The following TNRC6B variants were observed in gnomAD, a reference collection of about 807,000 sequenced individuals.
TNRC6B encodes trinucleotide repeat-containing gene 6B protein.
TNRC6B carries 52 observed loss-of-function variants against 203.6 expected under a neutral mutation model. The ratio of observed to expected loss-of-function variants is 0.26; its 90% CI spans 0.20 to 0.32. The LOEUF is 0.32. Ranked by LOEUF, TNRC6B falls within the 10% of genes least tolerant of loss-of-function variation. The pLI is 1.00. For synonymous variants in TNRC6B, 838 were observed against 845.7 expected (o/e 0.99, Z 0.16); for missense variants, 1,923 against 2,286.2 (o/e 0.84, Z 3.24).
chr22:40,294,819 G>A (rs1196796853), intron 12 of TNRC6B, among the ~76,000 whole-genome samples: 2 of 152,350 alleles, frequency 1.3e-5, no homozygotes, highest in African/African-American at 2.4e-5. Flanking sequence ...TCAGAGCAGA[G>A]ATGAAGAGGA....
intron 1 of TNRC6B, among the ~76,000 whole-genome samples, chr22:40,186,108 C>T (rs1157582564): frequency 6.6e-6 from 1 of 151,956 alleles, no homozygotes; most frequent in East Asian, 1.9e-4. Flanking sequence ...AGGATGAGGT[C>T]ACCATGGGAC....
chr22:40,106,274 T>C (rs2068282967), intron 1 of TNRC6B: 1 of 373,492 alleles, frequency 2.7e-6, no homozygotes, highest in South Asian at 3.2e-5. Flanking sequence ...GAGCAGGTAC[T>C]GTTTATTAAC....
intron 3 of TNRC6B, among the ~76,000 whole-genome samples, chr22:40,154,855 AAAAAAAT>A (rs2068800046): frequency 1.9e-5 from 1 of 51,748 alleles, no homozygotes; most frequent in African/African-American, 1.1e-4. Flanking sequence ...AAAAAAAAAA[AAAAAAAT>A]ATATATATAT....
chr22:40,221,303 G>C (rs757069708), intron 1 of TNRC6B, among the ~76,000 whole-genome samples: 7 of 152,120 alleles, frequency 4.6e-5, no homozygotes, highest in Non-Finnish European at 1.0e-4. Flanking sequence ...TAGCCTGAGT[G>C]TCTAGCTATT....
At chr22:40,101,996 C>G (rs1185445285) in intron 1 of TNRC6B, among the ~76,000 whole-genome samples, 1 of 152,138 alleles carries the variant, frequency 6.6e-6, no homozygotes, top group African/African-American at 2.4e-5. Context: ...TTTAACAATT[C>G]CAGTTCAGCA....
At chr22:40,147,909 C>T (rs61607843) in intron 3 of TNRC6B, among the ~76,000 whole-genome samples, 6,072 of 152,184 alleles carry the variant, frequency 0.04, 411 homozygotes, top group African/African-American at 0.14. Context: ...ACTGCTGTTA[C>T]GTAAGTAGTT....
Position 40,172,756 on chromosome 22 carries a change from G to C in TNRC6B, c.113+16574G>C, listed in dbSNP as rs1341514278. Among the ~76,000 whole-genome samples the C allele has an allele frequency of 2.6e-5, 4 of 152,160 alleles. No individual in the cohort carries two copies. In the East Asian group the frequency reaches 5.8e-4, roughly 22 times the overall value. Reference sequence around the variant, plus strand: ...AGTAAGGATAACGTGGAAATTATCTGTTCAATAAGAGTTAGATAGCATTCA... The same window carrying C: ...AGTAAGGATAACGTGGAAATTATCTCTTCAATAAGAGTTAGATAGCATTCA... On this transcript the variant is annotated intron_variant, in intron 4 of 23. Transcript: ENST00000301923.
intron 1 of TNRC6B, among the ~76,000 whole-genome samples, chr22:40,181,259 ATG>A (rs2069125298): frequency 6.6e-6 from 1 of 152,174 alleles, no homozygotes. Flanking sequence ...GAAGAGTGTT[ATG>A]CGATGATGAG....
chr22:40,096,695 T>C (rs1355750751), intron 1 of TNRC6B, among the ~76,000 whole-genome samples: 3 of 152,184 alleles, frequency 2.0e-5, no homozygotes. Flanking sequence ...ATGCCAGATA[T>C]ATGCCAACGA....
intron 1 of TNRC6B, among the ~76,000 whole-genome samples, chr22:40,072,861 CAAAAAAA>C (rs767881898): frequency 2.1e-5 from 1 of 46,518 alleles, no homozygotes; most frequent in Non-Finnish European, 4.6e-5. Context: ...GAGATTCTCT[CAAAAAAA>C]AAAAAAAAAA....
chr22:40,092,972 A>G (rs1203846400), intron 1 of TNRC6B, among the ~76,000 whole-genome samples: 1 of 152,248 alleles, frequency 6.6e-6, no homozygotes, highest in Admixed American at 6.5e-5. Flanking sequence ...GGGTTTTGCA[A>G]CTGGTGTATG....
chr22:40,100,991 C>T (rs969781093), intron 1 of TNRC6B, among the ~76,000 whole-genome samples: 1 of 112,862 alleles, frequency 8.9e-6, no homozygotes, highest in African/African-American at 3.7e-5. Context: ...TTCTCTTCAG[C>T]ATTTTTTTTT....
intron 1 of TNRC6B, among the ~76,000 whole-genome samples, chr22:40,218,878 C>T (rs2069671883): frequency 1.3e-5 from 2 of 152,166 alleles, no homozygotes; most frequent in South Asian, 2.1e-4. Context: ...TAAGAGCCAG[C>T]CAAGAATGTT....
chr22:40,062,310 C>G (rs1233880852), intron 1 of TNRC6B, among the ~76,000 whole-genome samples: 3 of 152,066 alleles, frequency 2.0e-5, no homozygotes, highest in African/African-American at 7.2e-5. Flanking sequence ...AGGCAGTTCT[C>G]CTGCCTTAGC....
intron 1 of TNRC6B, among the ~76,000 whole-genome samples, chr22:40,088,632 T>TGTGTGTGTG (rs2068122371): frequency 1.7e-5 from 1 of 59,958 alleles, no homozygotes; most frequent in African/African-American, 5.3e-5. Flanking sequence ...GTGTGTGTGT[T>TGTGTGTGTG]TTAGTAGAGA....
intron 11 of TNRC6B, among the ~76,000 whole-genome samples, chr22:40,283,086 A>G (rs2146525180): frequency 6.6e-6 from 1 of 151,872 alleles, no homozygotes; most frequent in East Asian, 1.9e-4. Context: ...CCCAGGCTGG[A>G]ATGCAGTGGC....
chr22:40,121,757 T>G (rs986921392), intron 2 of TNRC6B, among the ~76,000 whole-genome samples: 4 of 152,230 alleles, frequency 2.6e-5, no homozygotes, highest in African/African-American at 4.8e-5. Context: ...CCCAACCCTT[T>G]GCTAAGGCTT....
chr22:40,119,942 C>T (rs184467357), intron 2 of TNRC6B, among the ~76,000 whole-genome samples: 107 of 150,736 alleles, frequency 7.1e-4, no homozygotes, highest in Non-Finnish European at 1.3e-3. Context: ...CTAAGGACAG[C>T]TCCAAAACAA....
chr22:40,238,231 A>T (rs2146459543), intron 1 of TNRC6B, among the ~76,000 whole-genome samples: 1 of 151,994 alleles, frequency 6.6e-6, no homozygotes, highest in South Asian at 2.1e-4. Context: ...ACGCACACAC[A>T]CTCGACTCGC....
Sources: gnomAD v4.1 joint callset for allele counts (sites outside exome capture counted in the v4.1 genomes callset) on GRCh38, gnomAD v4.1.1 for gene constraint, MANE v1.5 for transcripts, NCBI Gene and HGNC (gene_info 2026-07-23, HGNC 2026-07-21) for gene names.